Variants in UGT2B7 observed in about 807,000 individuals in gnomAD.
The protein encoded by UGT2B7 is UDP glucuronosyltransferase family 2 member B7.
UGT2B7 carries 51 observed loss-of-function variants against 51.9 expected under a neutral mutation model. The ratio of observed to expected loss-of-function variants is 0.98; its 90% CI spans 0.78 to 1.24. The LOEUF (loss-of-function observed/expected upper bound fraction) is 1.24, where lower values mean the gene tolerates loss of function less well. Ranked by LOEUF, UGT2B7 falls within the 50% of genes most tolerant of loss-of-function variation. The probability of loss-of-function intolerance (pLI) is 0.00; values close to 1 mark genes in which losing one functional copy is unlikely to be tolerated. For synonymous variants in UGT2B7, 225 were observed against 211.6 expected (o/e 1.06, Z -0.55); for missense variants, 727 against 628.4 (o/e 1.16, Z -1.68).
intron 1 of UGT2B7, among the ~76,000 whole-genome samples, chr4:69,059,074 G>A (rs973314760): frequency 2.0e-5 from 3 of 152,236 alleles, no homozygotes; most frequent in Non-Finnish European, 4.4e-5. Flanking sequence ...GCACTGATCT[G>A]ATCAGACTGG....
intron 2 of UGT2B7, among the ~76,000 whole-genome samples, chr4:69,090,469 A>T (rs1374341945): frequency 1.0e-5 from 1 of 98,626 alleles, no homozygotes; most frequent in Non-Finnish European, 1.9e-5. Context: ...TTCTTTTTTA[A>T]TTAAAAATAA....
At chr4:69,109,717 T>A (rs867402858) in intron 5 of UGT2B7, among the ~76,000 whole-genome samples, 1 of 149,702 alleles carries the variant, frequency 6.7e-6, no homozygotes, top group Non-Finnish European at 1.5e-5. Context: ...ACAAAAAATA[T>A]AATTTTAAGT....
At chr4:69,084,126 T>C (rs1487482876) in intron 1 of UGT2B7, among the ~76,000 whole-genome samples, 1 of 152,144 alleles carries the variant, frequency 6.6e-6, no homozygotes, top group African/African-American at 2.4e-5. Flanking sequence ...GTGCATCTAC[T>C]GATAAAATTA....
chr4:69,107,974 C>T (rs4364327), intron 4 of UGT2B7, 129 bp from the exon 5 acceptor site: 627,852 of 1,241,970 alleles, frequency 0.51, 164,696 homozygotes, highest in African/African-American at 0.77. Flanking sequence ...TTTTTTCCTC[C>T]GAAGTCTGAA....
intron 1 of UGT2B7, among the ~76,000 whole-genome samples, chr4:69,064,019 G>GGAAAGAAAGAAAAA (rs1718415540): frequency 3.3e-5 from 2 of 60,152 alleles, no homozygotes; most frequent in Admixed American, 2.1e-4. Flanking sequence ...AGATGAGATG[G>GGAAAGAAAGAAAAA]GAAAGAAAGA....
intron 1 of UGT2B7, among the ~76,000 whole-genome samples, chr4:69,054,824 A>C (rs1262848505): frequency 6.6e-6 from 1 of 152,158 alleles, no homozygotes; most frequent in Non-Finnish European, 1.5e-5. Context: ...TTGGACTTGT[A>C]CATTAAGGAC....
In UGT2B7 at chr4:69,067,788, G is replaced by A. The variant is rs187767711; in HGVS notation, c.-159+16186G>A. Among the ~76,000 whole-genome samples the A allele has an allele frequency of 1.2e-3, 188 of 152,046 alleles. 1 individual carries two copies. Among genetic ancestry groups the A allele is most frequent in the African/African-American group, 4.1e-3 (169 of 41,516 alleles). Reference sequence around the variant, plus strand: ...CATTGTGTTGCAATGTGTTTTTTTCGTTTGTTTTAATGGAAACATTTGTCA... The same window carrying A: ...CATTGTGTTGCAATGTGTTTTTTTCATTTGTTTTAATGGAAACATTTGTCA... On this transcript the variant is annotated intron_variant, in intron 1 of 5. Coordinates refer to the UGT2B7 transcript ENST00000502942.
intron 1 of UGT2B7, among the ~76,000 whole-genome samples, chr4:69,074,984 T>C (rs1226549388): frequency 6.6e-6 from 1 of 152,208 alleles, no homozygotes; most frequent in Admixed American, 6.5e-5. Context: ...TATTTGAGGC[T>C]AGTTTTTAGG....
chr4:69,076,205 G>A (rs2109871020), intron 1 of UGT2B7, among the ~76,000 whole-genome samples: 1 of 152,244 alleles, frequency 6.6e-6, no homozygotes, highest in South Asian at 2.1e-4. Context: ...TTGGTTCCAA[G>A]TCTTTGCTAT....
At chr4:69,096,122 A>C (rs1056629620), upstream of UGT2B7, among the ~76,000 whole-genome samples, 1 of 152,196 alleles carries the variant, frequency 6.6e-6, no homozygotes, top group African/African-American at 2.4e-5. Flanking sequence ...ATGTCAACAA[A>C]GTTTACAAAA....
chr4:69,060,098 CTG>C (rs1179277405), intron 1 of UGT2B7, among the ~76,000 whole-genome samples: 1 of 152,212 alleles, frequency 6.6e-6, no homozygotes. Context: ...CAAACAGTGA[CTG>C]TGTCTTGCTC....
At chr4:69,070,398 AAAC>A (rs1293748065) in intron 1 of UGT2B7, among the ~76,000 whole-genome samples, 1 of 149,896 alleles carries the variant, frequency 6.7e-6, no homozygotes, top group African/African-American at 2.4e-5. Flanking sequence ...TCTTCCATAT[AAAC>A]AAATACAATT....
intron 1 of UGT2B7, among the ~76,000 whole-genome samples, chr4:69,060,309 A>G (rs1215145440): frequency 6.6e-6 from 1 of 152,216 alleles, no homozygotes; most frequent in Non-Finnish European, 1.5e-5. Flanking sequence ...ACAGAAGCAG[A>G]CCATTTGTAC....
chr4:69,108,261 T>G lies in UGT2B7; in HGVS notation c.1249T>G (p.Phe417Val), dbSNP rs2109894048. 6.2e-7 allele frequency: 1 copy of G among 1,613,716 alleles called. No homozygotes were observed. Among genetic ancestry groups the G allele is most frequent in the South Asian group, 1.1e-5 (1 of 91,070 alleles). Residue 417 changes from phenylalanine (F) to valine (V), a missense_variant, in exon 5 of 6, where the codon TTC becomes GTC. Coordinates refer to ENST00000305231, the MANE Select transcript of UGT2B7 (RefSeq NM_001074.4). Reference sequence around the variant, plus strand: ...CAGGGGAGCAGCTGTTAGAGTGGACTTCAACACAATGTCGAGTACAGACTT... The same window carrying G: ...CAGGGGAGCAGCTGTTAGAGTGGACGTCAACACAATGTCGAGTACAGACTT... ...KARGAAVRVD[F>V]NTMSSTDLLN... is the part of the protein sequence containing the mutation.
chr4:69,089,713 T>G (rs1383630384), intron 2 of UGT2B7: 1 of 152,226 alleles, frequency 6.6e-6, no homozygotes, highest in African/African-American at 2.4e-5. Flanking sequence ...CAGGCACTAC[T>G]TCTACATAGA....
At position 69,075,571 on chromosome 4, in the gene UGT2B7, T is replaced by C. The variant is rs1718685291; in HGVS notation, c.-158-13901T>C. ...GAGTCTTTTGACATCAATCACCAAG[T>C]ATGTAAATAAATGACCTTCAGATGA... On this transcript the variant is annotated intron_variant, in intron 1 of 5. Transcript: ENST00000502942. 2.0e-5 allele frequency among the ~76,000 whole-genome samples: 3 copies of C among 152,188 alleles called. No homozygotes were observed. The South Asian group carries it at 6.2e-4, about 32-fold the overall frequency.
At chr4:69,095,715 A>T (rs1022286594), upstream of UGT2B7, among the ~76,000 whole-genome samples, 1 of 152,206 alleles carries the variant, frequency 6.6e-6, no homozygotes, top group Non-Finnish European at 1.5e-5. Context: ...ACTTTAACAA[A>T]GTTTAAAAAG....
chr4:69,099,257 CA>C lies in UGT2B7; in HGVS notation c.870+590del, dbSNP rs58121670. On this transcript the variant is annotated intron_variant, in intron 2 of 5. Coordinates refer to ENST00000305231, the MANE Select transcript of UGT2B7 (RefSeq NM_001074.4). The stretch of plus-strand genomic sequence containing the variant: ...TAAAAGAATGACGGGGAGAGACAGA[CA>C]AAAAAAAAAAAAAAAAAAAAGAAGC... Among the ~76,000 whole-genome samples the C allele has an allele frequency of 3.1e-3, 327 of 105,716 alleles. 1 individual carries two copies. Among genetic ancestry groups the C allele is most frequent in the East Asian group, 0.015 (55 of 3,772 alleles). The allele number at this position is 105,716 out of a possible 152,430, so 69.4% of individuals were successfully genotyped here.
chr4:69,060,502 T>A (rs1718320802), intron 1 of UGT2B7, among the ~76,000 whole-genome samples: 1 of 152,204 alleles, frequency 6.6e-6, no homozygotes, highest in Non-Finnish European at 1.5e-5. Flanking sequence ...CAAAGAAGCC[T>A]TGACTCAGGC....
Sources: allele counts gnomAD v4.1 joint callset (sites outside exome capture counted in the v4.1 genomes callset), GRCh38; gene constraint gnomAD v4.1.1; transcripts MANE v1.5; gene names NCBI Gene and HGNC (gene_info 2026-07-23, HGNC 2026-07-21).